The following HNRNPUL1 variants were observed in gnomAD, a reference collection of about 807,000 sequenced individuals.
HNRNPUL1 encodes the protein heterogeneous nuclear ribonucleoprotein U like 1.
A neutral mutation model predicts 108.5 loss-of-function variants in HNRNPUL1; 14 were observed. That is an observed-to-expected ratio of 0.13 (90% confidence interval 0.09 to 0.20). HNRNPUL1 has a LOEUF of 0.20. HNRNPUL1 is among the 10% of genes least tolerant of loss of function. The pLI is 1.00. For missense variants in HNRNPUL1, 804 were observed against 1,168.3 expected (o/e 0.69, Z 4.55); for synonymous variants, 422 against 445.2 (o/e 0.95, Z 0.66).
Position 41,264,427 on chromosome 19 carries a change from C to G in HNRNPUL1, c.-77C>G, listed in dbSNP as rs1223339298. 4.1e-6 allele frequency: 5 copies of G among 1,226,452 alleles called. No homozygotes were observed. The African/African-American group carries it at 7.9e-5, about 19-fold the overall frequency. 76.0% of individuals were successfully genotyped at this position (1,226,452 alleles called of 1,614,324 possible). On this transcript the variant is annotated 5_prime_UTR_variant, in exon 1 of 15. Coordinates refer to ENST00000392006, the MANE Select transcript of HNRNPUL1 (RefSeq NM_007040.6). ...CCCCCCCCCTTTCCCCCTTCGCCTC[C>G]TGACAGGAAAGGTTTAAGGGGGACA...
At chr19:41,299,289 A>AT (rs1248217575) in intron 10 of HNRNPUL1, among the ~76,000 whole-genome samples, 1 of 151,830 alleles carries the variant, frequency 6.6e-6, no homozygotes, top group East Asian at 1.9e-4. Flanking sequence ...AGGGAAGAAC[A>AT]TTTTTTCCTG....
intron 5 of HNRNPUL1, among the ~76,000 whole-genome samples, chr19:41,278,051 G>T (rs927687657): frequency 6.7e-6 from 1 of 149,332 alleles, no homozygotes; most frequent in Non-Finnish European, 1.5e-5. Flanking sequence ...TTGTTTGTTT[G>T]ATTGTTTGTT....
At chr19:41,271,995 C>A in intron 2 of HNRNPUL1, 87 bp from the exon 3 acceptor site, 2 of 1,461,466 alleles carry the variant, frequency 1.4e-6, no homozygotes, top group South Asian at 1.3e-5. Flanking sequence ...GGATCCTGCT[C>A]ACATCTCTCA....
intron 7 of HNRNPUL1, chr19:41,291,988 A>T (rs796440140): frequency 2.2e-6 from 1 of 453,232 alleles, no homozygotes; most frequent in East Asian, 4.2e-5. Context: ...TCAAAAAAAA[A>T]AAAAACAAAA....
Position 41,264,783 on chromosome 19 carries a change from G to T in HNRNPUL1, c.280G>T (p.Gly94Trp). ...QPHAEPGGYS[G>W]PDGHYAMDNI... The stretch of plus-strand genomic sequence containing the variant: ...GCACGCGGAGCCCGGCGGCTACTCG[G>T]GGCCGGACGGACATTGTGAGAGTGC... The change falls in exon 1 of 15, where the codon GGG (glycine) becomes TGG (tryptophan). Residue 94 changes from glycine (G) to tryptophan (W), a missense_variant. Gly to Trp is a radical substitution (Grantham distance 184, BLOSUM62 -2). Coordinates refer to ENST00000392006, the MANE Select transcript of HNRNPUL1 (RefSeq NM_007040.6). 1 of 1,366,706 alleles carries T rather than the reference G, an allele frequency of 7.3e-7. No individual in the cohort carries two copies. Among genetic ancestry groups the T allele is most frequent in the Non-Finnish European group, 9.4e-7 (1 of 1,064,442 alleles). 84.7% of individuals were successfully genotyped at this position (1,366,706 alleles called of 1,614,324 possible). A position where few individuals can be genotyped will look rare whatever the true frequency, so the allele number is the denominator to read the frequency against.
chr19:41,268,187 G>A (rs747551890), intron 1 of HNRNPUL1, 36 bp from the exon 2 acceptor site: 11 of 1,606,612 alleles, frequency 6.8e-6, no homozygotes, highest in East Asian at 6.7e-5. Flanking sequence ...TTCATGAACC[G>A]CCCCTCTAAT....
intron 2 of HNRNPUL1, among the ~76,000 whole-genome samples, chr19:41,269,057 A>C (rs2035043188): frequency 2.0e-5 from 3 of 152,112 alleles, no homozygotes; most frequent in Non-Finnish European, 1.5e-5. Context: ...TCCTTAGCCA[A>C]ATGTGTCTGG....
Position 41,281,375 on chromosome 19 carries a change from ACT to A in HNRNPUL1, c.999+104_999+105del. Reference sequence around the variant, plus strand: ...TCCATTGTCTGCCCCATATCCAGCCACTCTCGCCATACTTCTTTGTCTCTGCT... The same window carrying A: ...TCCATTGTCTGCCCCATATCCAGCCACTCGCCATACTTCTTTGTCTCTGCT... On this transcript the variant is annotated intron_variant, in intron 7 of 14. Coordinates refer to ENST00000392006, the MANE Select transcript of HNRNPUL1 (RefSeq NM_007040.6). The A allele has an allele frequency of 1.3e-5, 9 of 717,298 alleles. No individual in the cohort carries two copies. In the South Asian group the frequency reaches 1.4e-4, roughly 11 times the overall value. The allele number at this position is 717,298 out of a possible 1,614,324, so 44.4% of individuals were successfully genotyped here.
At chr19:41,272,558 T>C (rs529124602) in intron 3 of HNRNPUL1, among the ~76,000 whole-genome samples, 7 of 152,262 alleles carry the variant, frequency 4.6e-5, no homozygotes, top group Admixed American at 1.3e-4. Context: ...GAAAGAAATA[T>C]CTGTTTCCTA....
intron 7 of HNRNPUL1, among the ~76,000 whole-genome samples, chr19:41,286,195 T>TTTC (rs2036216211): frequency 6.6e-6 from 1 of 152,168 alleles, no homozygotes; most frequent in Admixed American, 6.5e-5. Flanking sequence ...TTTTTTTTTT[T>TTTC]TTCAGTATTT....
At chr19:41,266,669 G>A (rs2034868424) in intron 1 of HNRNPUL1, among the ~76,000 whole-genome samples, 1 of 152,050 alleles carries the variant, frequency 6.6e-6, no homozygotes. Context: ...TCTGGCGTAA[G>A]AGTTTGTGGA....
At chr19:41,268,197 T>C in intron 1 of HNRNPUL1, 26 bp from the exon 2 acceptor site, 1 of 1,610,390 alleles carries the variant, frequency 6.2e-7, no homozygotes, top group Non-Finnish European at 8.5e-7. Flanking sequence ...GCCCCTCTAA[T>C]TGGCCATTTT....
chr19:41,295,904 C>T (rs1200330919), intron 10 of HNRNPUL1, among the ~76,000 whole-genome samples: 1 of 152,304 alleles, frequency 6.6e-6, no homozygotes, highest in East Asian at 1.9e-4. Flanking sequence ...CCGTGGTTAT[C>T]CCCCCAGCTC....
At chr19:41,268,594 C>T (rs746536002) in intron 2 of HNRNPUL1, among the ~76,000 whole-genome samples, 27 of 152,226 alleles carry the variant, frequency 1.8e-4, no homozygotes, top group Non-Finnish European at 3.5e-4. Context: ...TGTGGTGGCT[C>T]CCTCCTGTAA....
chr19:41,281,006 C>T, intron 6 of HNRNPUL1, 157 bp from the exon 7 acceptor site: 1 of 585,908 alleles, frequency 1.7e-6, no homozygotes, highest in Non-Finnish European at 3.1e-6. Context: ...TAAGGGCTTC[C>T]TTTCACCCTT....
chr19:41,298,716 C>T (rs1402165989), intron 10 of HNRNPUL1: 3 of 152,192 alleles, frequency 2.0e-5, no homozygotes, highest in Non-Finnish European at 4.4e-5. Context: ...CTTCCAAGGA[C>T]AAAGGCCAGC....
intron 7 of HNRNPUL1, among the ~76,000 whole-genome samples, chr19:41,283,178 A>G (rs924513874): frequency 2.3e-4 from 35 of 152,374 alleles, no homozygotes; most frequent in African/African-American, 7.7e-4. Flanking sequence ...ATCTATTACA[A>G]AAAGTTAAAA....
At chr19:41,302,409 G>A (rs1240437348) in intron 11 of HNRNPUL1, 1 of 500,314 alleles carries the variant, frequency 2.0e-6, no homozygotes, top group African/African-American at 1.9e-5. Context: ...AGTAGAGATG[G>A]GGTTTTGCCA....
chr19:41,298,577 A>C (rs544503297), intron 10 of HNRNPUL1: 2 of 152,206 alleles, frequency 1.3e-5, no homozygotes, highest in Non-Finnish European at 2.9e-5. Flanking sequence ...GGTGTGGTTT[A>C]GATACTCTTC....
Sources: gnomAD v4.1 joint callset for allele counts (sites outside exome capture counted in the v4.1 genomes callset) on GRCh38, gnomAD v4.1.1 for gene constraint, MANE v1.5 for transcripts, NCBI Gene and HGNC (gene_info 2026-07-23, HGNC 2026-07-21) for gene names.